PLXNA4: variants seen among roughly 807,000 people sequenced by gnomAD.
The protein encoded by PLXNA4 is plexin A4.
PLXNA4 carries 44 observed loss-of-function variants against 191.8 expected under a neutral mutation model. The ratio of observed to expected loss-of-function variants is 0.23; its 90% CI spans 0.18 to 0.29. The LOEUF is 0.29. Among genes scored for constraint, PLXNA4 ranks in the 10% least tolerant of loss-of-function variants. The pLI is 1.00. For synonymous variants in PLXNA4, 1,082 were observed against 1,009.5 expected (o/e 1.07, Z -1.36); for missense variants, 1,800 against 2,488.8 (o/e 0.72, Z 5.89).
chr7:132,395,679 A>G (rs1259585246), intron 3 of PLXNA4, among the ~76,000 whole-genome samples: 1 of 152,234 alleles, frequency 6.6e-6, no homozygotes, highest in Admixed American at 6.5e-5. Flanking sequence ...GGGAGCCTCA[A>G]TTAGCCTCTT....
intron 1 of PLXNA4, among the ~76,000 whole-genome samples, chr7:132,562,942 CCCT>C (rs1585347241): frequency 7.0e-5 from 3 of 43,000 alleles, no homozygotes; most frequent in Admixed American, 2.3e-4. Flanking sequence ...CTCCTCCTCT[CCCT>C]CCTCCTCCTC....
At chr7:132,388,739 G>A (rs1217952072) in intron 3 of PLXNA4, among the ~76,000 whole-genome samples, 1 of 152,216 alleles carries the variant, frequency 6.6e-6, no homozygotes, top group African/African-American at 2.4e-5. Context: ...GGATAAGACA[G>A]AAACTGTCTC....
intron 1 of PLXNA4, among the ~76,000 whole-genome samples, chr7:132,521,382 A>C (rs777425031): frequency 1.3e-5 from 2 of 152,146 alleles, no homozygotes; most frequent in African/African-American, 4.8e-5. Flanking sequence ...TATAGTGTAC[A>C]TGCCAGAAGA....
chr7:132,220,651 A>G (rs1205716890), intron 9 of PLXNA4, among the ~76,000 whole-genome samples: 1 of 151,830 alleles, frequency 6.6e-6, no homozygotes, highest in Non-Finnish European at 1.5e-5. Flanking sequence ...GGGCCCTGGC[A>G]TCCCATCCTC....
At chr7:132,562,864 T>TCC (rs1801307886) in intron 1 of PLXNA4, among the ~76,000 whole-genome samples, 1 of 114,854 alleles carries the variant, frequency 8.7e-6, no homozygotes, top group Admixed American at 8.4e-5. Flanking sequence ...CTCCTCCTCC[T>TCC]TCTCCTCCTC....
At chr7:132,182,039 TG>T in intron 17 of PLXNA4, 57 bp downstream of exon 17, 1 of 1,612,744 alleles carries the variant, frequency 6.2e-7, no homozygotes, top group East Asian at 2.2e-5. Flanking sequence ...CCACACCCTT[TG>T]GGGAAGCAAC....
intron 1 of PLXNA4, among the ~76,000 whole-genome samples, chr7:132,573,609 CCT>C (rs1289227968): frequency 1.3e-5 from 2 of 151,508 alleles, no homozygotes; most frequent in African/African-American, 4.8e-5. Context: ...TGCAGATTTC[CCT>C]GTCTGCAGGG....
intron 30 of PLXNA4, among the ~76,000 whole-genome samples, chr7:132,133,733 A>G (rs1321764204): frequency 1.3e-5 from 2 of 152,168 alleles, no homozygotes; most frequent in African/African-American, 4.8e-5. Flanking sequence ...ACTGCTGTCA[A>G]CTGGTTAAGT....
intron 3 of PLXNA4, among the ~76,000 whole-genome samples, chr7:132,395,447 G>C (rs990417330): frequency 6.6e-6 from 1 of 152,248 alleles, no homozygotes; most frequent in African/African-American, 2.4e-5. Flanking sequence ...CCTGCTGAGA[G>C]AGGGTGTCGG....
intron 8 of PLXNA4, 120 bp from the exon 9 acceptor site, chr7:132,223,761 G>A (rs1041314373): frequency 9.8e-6 from 7 of 716,418 alleles, no homozygotes; most frequent in Non-Finnish European, 1.7e-5. Context: ...CGTTGAATGT[G>A]CAGGAAGGGC....
At chr7:132,601,126 C>A (rs1398992761) in intron 2 of PLXNA4, among the ~76,000 whole-genome samples, 1 of 152,084 alleles carries the variant, frequency 6.6e-6, no homozygotes, top group African/African-American at 2.4e-5. Context: ...TTTTGTCAAT[C>A]TTCATAGTCC....
intron 1 of PLXNA4, among the ~76,000 whole-genome samples, chr7:132,541,034 A>C (rs1800057626): frequency 6.6e-6 from 1 of 152,236 alleles, no homozygotes; most frequent in Non-Finnish European, 1.5e-5. Context: ...AATCAGTAGA[A>C]TCAATAAAGA....
At chr7:132,142,927 T>C (rs951427658) in intron 29 of PLXNA4, among the ~76,000 whole-genome samples, 2 of 152,206 alleles carry the variant, frequency 1.3e-5, no homozygotes, top group African/African-American at 4.8e-5. Flanking sequence ...TCAAGCCAGT[T>C]TTGCTGACAG....
At chr7:132,167,654 C>A (rs1012576899) in intron 22 of PLXNA4, among the ~76,000 whole-genome samples, 9 of 152,186 alleles carry the variant, frequency 5.9e-5, no homozygotes, top group African/African-American at 2.2e-4. Context: ...CCTATCCCAG[C>A]CTCCAGAGTA....
At chr7:132,337,928 G>A (rs1802880686) in intron 3 of PLXNA4, among the ~76,000 whole-genome samples, 1 of 152,194 alleles carries the variant, frequency 6.6e-6, no homozygotes, top group Admixed American at 6.5e-5. Flanking sequence ...GAACAAGGAA[G>A]TTCTGCTGAC....
At chr7:132,414,806 C>T (rs1794601388) in intron 3 of PLXNA4, among the ~76,000 whole-genome samples, 1 of 152,176 alleles carries the variant, frequency 6.6e-6, no homozygotes, top group Admixed American at 6.5e-5. Context: ...TCCATGGAAA[C>T]ATGGCACCCA....
intron 22 of PLXNA4, among the ~76,000 whole-genome samples, chr7:132,165,401 C>T (rs1042049360): frequency 6.6e-6 from 1 of 152,202 alleles, no homozygotes; most frequent in African/African-American, 2.4e-5. Context: ...ACAAGCTTTT[C>T]CTACAAAGCT....
intron 2 of PLXNA4, among the ~76,000 whole-genome samples, chr7:132,505,313 T>A (rs1449382141): frequency 6.6e-6 from 1 of 152,194 alleles, no homozygotes; most frequent in Admixed American, 6.5e-5. Flanking sequence ...CTTTTTGTAT[T>A]GTGGCAGGAA....
chr7:132,456,737 C>T (rs919072611), intron 3 of PLXNA4, among the ~76,000 whole-genome samples: 6 of 152,064 alleles, frequency 3.9e-5, no homozygotes, highest in African/African-American at 1.2e-4. Context: ...GAGGAGTTGA[C>T]GAATCAATCA....
Sources: gnomAD v4.1 joint callset for allele counts (sites outside exome capture counted in the v4.1 genomes callset) on GRCh38, gnomAD v4.1.1 for gene constraint, MANE v1.5 for transcripts, NCBI Gene and HGNC (gene_info 2026-07-23, HGNC 2026-07-21) for gene names.